Variants in KLF12 observed in about 807,000 individuals in gnomAD.
KLF12 encodes Krueppel-like factor 12.
Under a neutral mutation model 37.8 loss-of-function variants are expected in KLF12, and 9 were observed. The observed-to-expected ratio is 0.24, with a 90% CI of 0.14 to 0.42. The LOEUF is 0.42. Ranked by LOEUF, KLF12 falls within the 10% of genes least tolerant of loss-of-function variation. The probability of loss-of-function intolerance (pLI) is 1.00; values close to 1 mark genes in which losing one functional copy is unlikely to be tolerated. For synonymous variants in KLF12, 208 were observed against 202.1 expected (o/e 1.03, Z -0.25); for missense variants, 411 against 516.0 (o/e 0.80, Z 1.97).
Position 73,967,527 on chromosome 13 carries a change from G to C in KLF12, c.34-23457C>G, listed in dbSNP as rs868603590. On this transcript the variant is annotated intron_variant, in intron 2 of 7. Coordinates refer to ENST00000377669, the MANE Select transcript of KLF12 (RefSeq NM_007249.5). ...TCCATGCCATCACCTTTGTAAGCAA[G>C]GCATCTGATATAGATAACCCCATAC... Among the ~76,000 whole-genome samples the C allele has an allele frequency of 5.2e-4, 79 of 152,108 alleles. 1 individual carries two copies. The highest frequency in any genetic ancestry group is 1.8e-3 in the African/African-American group (76 of 41,412).
intron 1 of KLF12, among the ~76,000 whole-genome samples, chr13:74,049,905 G>A (rs1872792625): frequency 6.6e-6 from 1 of 152,206 alleles, no homozygotes; most frequent in Admixed American, 6.5e-5. Flanking sequence ...TCCTAACACT[G>A]TTGCTTGCCA....
intron 6 of KLF12, 116 bp downstream of exon 6, chr13:73,764,822 G>T (rs1037868603): frequency 1.3e-5 from 8 of 598,014 alleles, no homozygotes; most frequent in Non-Finnish European, 2.1e-5. Flanking sequence ...GCATAGTCCA[G>T]TTAGCAGGTA....
At chr13:74,028,839 A>ATT (rs5804711) in intron 1 of KLF12, among the ~76,000 whole-genome samples, 1 of 151,858 alleles carries the variant, frequency 6.6e-6, no homozygotes, top group South Asian at 2.1e-4. Context: ...AGAATTTTCA[A>ATT]TTTTTTTAAA....
intron 1 of KLF12, among the ~76,000 whole-genome samples, chr13:74,099,314 T>C (rs7321560): frequency 0.082 from 12,415 of 152,140 alleles, 1,699 homozygotes; most frequent in African/African-American, 0.28. Context: ...GCCACTGCAC[T>C]CTAGCCTGGG....
At chr13:73,764,018 T>C (rs1879740340) in intron 6 of KLF12, among the ~76,000 whole-genome samples, 1 of 152,174 alleles carries the variant, frequency 6.6e-6, no homozygotes, top group African/African-American at 2.4e-5. Flanking sequence ...TGTCATTATT[T>C]TGTGTCTAAA....
intron 2 of KLF12, among the ~76,000 whole-genome samples, chr13:73,964,681 T>C (rs1891125668): frequency 6.6e-6 from 1 of 151,554 alleles, no homozygotes; most frequent in Non-Finnish European, 1.5e-5. Flanking sequence ...CCCCCAATTC[T>C]TTCAAAAAGG....
In KLF12 at chr13:73,859,261, G is replaced by A. The variant is rs1348931620; in HGVS notation, c.124-12888C>T. On this transcript the variant is annotated intron_variant, in intron 3 of 7. Transcript: ENST00000377669. ...ACATGCAAAACAGGGAGCAGGGGCAGGCAAGAGCTTTCTCTTCCGGTAAAG... is the reference window on the plus strand; with the variant it reads ...ACATGCAAAACAGGGAGCAGGGGCAAGCAAGAGCTTTCTCTTCCGGTAAAG... Among the ~76,000 whole-genome samples, 4 of 152,312 alleles carry A rather than the reference G, an allele frequency of 2.6e-5. No individual in the cohort carries two copies. The East Asian group carries it at 7.7e-4, about 29-fold the overall frequency.
At chr13:73,898,642 G>A (rs974086518) in intron 3 of KLF12, among the ~76,000 whole-genome samples, 5 of 152,174 alleles carry the variant, frequency 3.3e-5, no homozygotes, top group African/African-American at 1.2e-4. Flanking sequence ...GGGAAAGGAG[G>A]TGGACAAGGA....
intron 4 of KLF12, among the ~76,000 whole-genome samples, chr13:73,834,101 G>A (rs997645225): frequency 1.3e-5 from 2 of 152,086 alleles, no homozygotes; most frequent in African/African-American, 2.4e-5. Context: ...TACTTTCATG[G>A]AGCTTAAATT....
At chr13:74,030,341 A>G (rs1893082466) in intron 1 of KLF12, among the ~76,000 whole-genome samples, 1 of 152,120 alleles carries the variant, frequency 6.6e-6, no homozygotes, top group African/African-American at 2.4e-5. Context: ...GCAGAGCAGG[A>G]GCACACACTC....
chr13:73,733,974 C>T lies in KLF12; in HGVS notation c.870-18449G>A, dbSNP rs111832158. Among the ~76,000 whole-genome samples the T allele has an allele frequency of 5.4e-3, 828 of 152,304 alleles. 6 individuals carry two copies. Among genetic ancestry groups the T allele is most frequent in the African/African-American group, 0.018 (751 of 41,576 alleles). On this transcript the variant is annotated intron_variant, in intron 6 of 7. Transcript: ENST00000377669. ...AAAGTCTTTATCATCACCTATAAGGCGCTCTAGGAACCCTGAGATCTCTTC... is the reference window on the plus strand; with the variant it reads ...AAAGTCTTTATCATCACCTATAAGGTGCTCTAGGAACCCTGAGATCTCTTC...
At chr13:73,775,024 T>G (rs1448065554) in intron 5 of KLF12, among the ~76,000 whole-genome samples, 3 of 151,976 alleles carry the variant, frequency 2.0e-5, no homozygotes, top group African/African-American at 7.3e-5. Context: ...TTCAGGTGAT[T>G]CTCCTGCCTG....
chr13:73,905,743 T>TG (rs1445998435), intron 3 of KLF12, among the ~76,000 whole-genome samples: 3 of 41,248 alleles, frequency 7.3e-5, no homozygotes, highest in African/African-American at 2.5e-4. Context: ...GTGCAATACA[T>TG]TTTTTTTTCA....
At chr13:74,302,537 A>C in the KLF12 span, among the ~76,000 whole-genome samples, 1 of 152,296 alleles carries the variant, frequency 6.6e-6, no homozygotes, top group Non-Finnish European at 1.5e-5. Flanking sequence ...TTACAGAATA[A>C]AAGGAAGACT....
intron 2 of KLF12, among the ~76,000 whole-genome samples, chr13:73,961,607 G>A (rs1891023353): frequency 6.6e-6 from 1 of 152,088 alleles, no homozygotes; most frequent in East Asian, 1.9e-4. Flanking sequence ...AAGTCACAGG[G>A]GGCTCCTGAC....
intron 3 of KLF12, among the ~76,000 whole-genome samples, chr13:73,920,151 T>C (rs1012347709): frequency 6.6e-6 from 1 of 152,214 alleles, no homozygotes; most frequent in Non-Finnish European, 1.5e-5. Flanking sequence ...TAACTGGTGC[T>C]TGTGCATGCA....
At chr13:73,843,818 C>A (rs1417412445) in intron 4 of KLF12, among the ~76,000 whole-genome samples, 3 of 152,124 alleles carry the variant, frequency 2.0e-5, no homozygotes, top group Admixed American at 1.3e-4. Context: ...AGGGTTTATA[C>A]TTAAATTTTT....
rs1594151551 is a variant in KLF12, at chr13:73,837,432, T to G, written c.670+8395A>C. 9.2e-5 allele frequency among the ~76,000 whole-genome samples: 14 copies of G among 152,324 alleles called. No individual in the cohort carries two copies. In the South Asian group the frequency reaches 2.7e-3, roughly 29 times the overall value. On this transcript the variant is annotated intron_variant, in intron 4 of 7. Transcript: ENST00000377669. ...TTGATGGAATCTATTCAACCTCTTG[T>G]GCATGCCCAGAAGTGAAAAAATGCA...
the KLF12 span, among the ~76,000 whole-genome samples, chr13:74,148,926 T>A: frequency 2.0e-5 from 3 of 152,002 alleles, no homozygotes; most frequent in African/African-American, 7.3e-5. Flanking sequence ...GCAATTCTCC[T>A]GCCTCAGCCT....
Sources: gnomAD v4.1 joint callset for allele counts (sites outside exome capture counted in the v4.1 genomes callset) on GRCh38, gnomAD v4.1.1 for gene constraint, MANE v1.5 for transcripts, NCBI Gene and HGNC (gene_info 2026-07-23, HGNC 2026-07-21) for gene names.